Variants in KCNH7 observed in about 807,000 individuals in gnomAD.
KCNH7 encodes the protein potassium voltage-gated channel subfamily H member 7.
In KCNH7, 49 loss-of-function variants were observed where a neutral mutation model predicts 120.8. The ratio of observed to expected loss-of-function variants is 0.41; its 90% confidence interval spans 0.32 to 0.51. The LOEUF (loss-of-function observed/expected upper bound fraction) is 0.51. Among genes scored for constraint, KCNH7 ranks in the 20% least tolerant of loss-of-function variants. The pLI, the probability that KCNH7 is intolerant of heterozygous loss-of-function variation, is 0.38. For synonymous variants in KCNH7, 547 were observed against 516.1 expected (o/e 1.06, Z -0.81); for missense variants, 1,097 against 1,446.6 (o/e 0.76, Z 3.92).
intron 2 of KCNH7, among the ~76,000 whole-genome samples, chr2:162,788,988 TAAAAAAAA>T (rs61348204): frequency 6.7e-5 from 7 of 105,164 alleles, no homozygotes; most frequent in African/African-American, 1.1e-4. Context: ...AGGTACTGGT[TAAAAAAAA>T]AAAAAAAAAA....
At chr2:162,806,543 A>G (rs1448542358) in intron 2 of KCNH7, among the ~76,000 whole-genome samples, 2 of 152,094 alleles carry the variant, frequency 1.3e-5, no homozygotes, top group Non-Finnish European at 2.9e-5. Context: ...CATTACAGTT[A>G]AAAAAACAGA....
Position 162,517,824 on chromosome 2 carries a change from G to T in KCNH7, c.798C>A (p.Ser266Arg). The T allele has an allele frequency of 6.2e-7, 1 of 1,612,278 alleles. No individual in the cohort carries two copies. Among genetic ancestry groups the T allele is most frequent in the Non-Finnish European group, 8.5e-7 (1 of 1,178,844 alleles). ...AAGATGCTCTCCGTATACTACATAA[G>T]CTTTCCCTTGATCTGGAATGGGACA... ...SQLSHSRSRE[S>R]LCSIRRASSV... Residue 266 changes from serine (S) to arginine (R), a missense_variant, in exon 4 of 16, where the codon AGC becomes AGA. Physicochemically the swap from Ser to Arg is moderately radical, Grantham distance 110. This residue lies in a region of KCNH7 where 362 missense variants were observed against 372.2 expected (regional missense o/e 0.97). Transcript: ENST00000332142.
At chr2:162,605,339 T>G (rs1209401584) in intron 2 of KCNH7, among the ~76,000 whole-genome samples, 1 of 152,152 alleles carries the variant, frequency 6.6e-6, no homozygotes, top group Non-Finnish European at 1.5e-5. Flanking sequence ...TGTCACAGAC[T>G]ACATGTTAGG....
intron 2 of KCNH7, among the ~76,000 whole-genome samples, chr2:162,612,434 G>T (rs1023621409): frequency 3.9e-5 from 6 of 152,036 alleles, no homozygotes; most frequent in African/African-American, 1.2e-4. Flanking sequence ...CATTTTTAAT[G>T]CTTACAAAGG....
At chr2:162,538,598 G>A (rs1692193694) in intron 2 of KCNH7, among the ~76,000 whole-genome samples, 1 of 151,976 alleles carries the variant, frequency 6.6e-6, no homozygotes, top group African/African-American at 2.4e-5. Context: ...ATCCCAAATG[G>A]TGACCTATGT....
intron 2 of KCNH7, among the ~76,000 whole-genome samples, chr2:162,669,798 A>G (rs1012911583): frequency 2.6e-5 from 4 of 152,146 alleles, no homozygotes; most frequent in Admixed American, 6.5e-5. Context: ...TAATGTCTAA[A>G]GTATGTGCTT....
Position 162,384,811 on chromosome 2 carries a change from G to C in KCNH7, c.2839C>G (p.Pro947Ala), listed in dbSNP as rs578088576. 6.2e-7 allele frequency: 1 copy of C among 1,612,812 alleles called. No homozygotes were observed. The highest frequency in any genetic ancestry group is 1.1e-5 in the South Asian group (1 of 91,058). Residue 947 changes from proline to alanine, a missense_variant, in exon 13 of 16, where the codon CCG (proline) becomes GCG (alanine). Around this residue, in one of 8 missense-constraint regions of KCNH7, gnomAD observed 406 missense variants for 410.5 expected, o/e 0.99. Transcript: ENST00000332142. ...GAGTCTACTATTCCTGAGAAGAGCG[G>C]CTTTTGTTCATCATCAATGGAGGAG... ...FISSIDDEQKPLFSGIVDSSP... is the reference protein window; with the variant it reads ...FISSIDDEQKALFSGIVDSSP...
At position 162,373,537 on chromosome 2, in the gene KCNH7, T is replaced by A; in HGVS notation, c.3257A>T (p.Gln1086Leu). 1 of 1,589,882 alleles carries A rather than the reference T, an allele frequency of 6.3e-7. No individual in the cohort carries two copies. Among genetic ancestry groups the A allele is most frequent in the Non-Finnish European group, 8.6e-7 (1 of 1,168,180 alleles). ...TTCCGGTTGACTGGTTCTCATCAGC[T>A]GGATGATGGGTCTCTGATATTCTGA... ...AGSEYQRPII[Q>L]LMRTSQPEAS... Residue 1086 changes from glutamine to leucine, a missense_variant, in exon 15 of 16, where the codon CAG becomes CTG. This residue lies in a region of KCNH7 where 406 missense variants were observed against 410.5 expected (regional missense o/e 0.99). Coordinates refer to ENST00000332142, the MANE Select transcript of KCNH7 (RefSeq NM_033272.4).
chr2:162,684,238 TAAA>T (rs1368029270), intron 2 of KCNH7, among the ~76,000 whole-genome samples: 1 of 151,912 alleles, frequency 6.6e-6, no homozygotes, highest in East Asian at 1.9e-4. Flanking sequence ...CCTAAAACCA[TAAA>T]AACCCTAGAA....
chr2:162,753,047 A>T (rs764242633), intron 2 of KCNH7, among the ~76,000 whole-genome samples: 3 of 134,838 alleles, frequency 2.2e-5, no homozygotes, highest in Non-Finnish European at 3.3e-5. Context: ...ACTAATAATA[A>T]TCAATCCTAG....
chr2:162,511,078 C>A (rs1245263641), intron 5 of KCNH7, among the ~76,000 whole-genome samples: 2 of 151,560 alleles, frequency 1.3e-5, no homozygotes, highest in Non-Finnish European at 3.0e-5. Flanking sequence ...GATGAGCAAT[C>A]TGAAATCTAT....
chr2:162,419,274 T>TAAAAAAA (rs758417385), intron 9 of KCNH7, among the ~76,000 whole-genome samples: 30 of 61,880 alleles, frequency 4.8e-4, no homozygotes, highest in African/African-American at 1.7e-3. Context: ...TGTCCCAGGC[T>TAAAAAAA]AAAAAAAAAA....
chr2:162,670,486 A>AG (rs1260927353), intron 2 of KCNH7, among the ~76,000 whole-genome samples: 2 of 150,866 alleles, frequency 1.3e-5, no homozygotes, highest in Non-Finnish European at 2.9e-5. Flanking sequence ...AAAAAAAAAA[A>AG]AAAAAAGAAA....
chr2:162,646,788 T>G (rs777447917), intron 2 of KCNH7, among the ~76,000 whole-genome samples: 29 of 152,142 alleles, frequency 1.9e-4, no homozygotes, highest in Non-Finnish European at 5.9e-5. Context: ...AGGGACTAGA[T>G]GCTGCCAACA....
At chr2:162,632,119 C>G (rs1471758172) in intron 2 of KCNH7, among the ~76,000 whole-genome samples, 4 of 151,848 alleles carry the variant, frequency 2.6e-5, no homozygotes, top group African/African-American at 9.7e-5. Context: ...ATATAATAGG[C>G]AAATCCACAT....
chr2:162,380,612 A>G (rs565002396), intron 13 of KCNH7, among the ~76,000 whole-genome samples: 1 of 152,252 alleles, frequency 6.6e-6, no homozygotes, highest in South Asian at 2.1e-4. Flanking sequence ...TTCATGTTTT[A>G]ATGCTTTCTT....
intron 2 of KCNH7, among the ~76,000 whole-genome samples, chr2:162,694,229 A>T (rs1223777462): frequency 6.6e-6 from 1 of 152,188 alleles, no homozygotes; most frequent in Non-Finnish European, 1.5e-5. Flanking sequence ...AATAATGAAC[A>T]TCCTTCTGTA....
chr2:162,436,999 G>T (rs954521455), intron 7 of KCNH7, among the ~76,000 whole-genome samples: 4 of 151,964 alleles, frequency 2.6e-5, no homozygotes, highest in Non-Finnish European at 4.4e-5. Context: ...GTGGATGCCT[G>T]TAGTCCCAGC....
At chr2:162,789,448 T>A (rs1683841392) in intron 2 of KCNH7, among the ~76,000 whole-genome samples, 2 of 152,006 alleles carry the variant, frequency 1.3e-5, no homozygotes, top group South Asian at 2.1e-4. Flanking sequence ...AATAAACAGA[T>A]CATCCAGGTA....
Sources: allele counts gnomAD v4.1 joint callset (sites outside exome capture counted in the v4.1 genomes callset), GRCh38; gene constraint gnomAD v4.1.1; regional missense constraint gnomAD v4.1.1; transcripts MANE v1.5; gene names NCBI Gene and HGNC (gene_info 2026-07-23, HGNC 2026-07-21).